Variants in KDM2A observed in about 807,000 individuals in gnomAD.
KDM2A encodes the protein lysine demethylase 2A.
A neutral mutation model predicts 137.3 loss-of-function variants in KDM2A; 3 were observed. That is an observed-to-expected ratio of 0.02 (90% CI 0.01 to 0.06). KDM2A has a LOEUF of 0.06. KDM2A is among the 10% of genes least tolerant of loss of function. The pLI, the probability that KDM2A is intolerant of heterozygous loss-of-function variation, is 1.00. For synonymous variants in KDM2A, 512 were observed against 541.5 expected (o/e 0.95, Z 0.76); for missense variants, 738 against 1,510.6 (o/e 0.49, Z 8.48).
intron 9 of KDM2A, 68 bp from the exon 10 acceptor site, chr11:67,219,220 T>G: frequency 1.5e-6 from 1 of 674,698 alleles, no homozygotes. Flanking sequence ...GGTCTTGTAC[T>G]AGTTCTCTGA....
Position 67,254,245 on chromosome 11 carries a change from G to A in KDM2A, c.3134G>A (p.Arg1045Gln). The change falls in exon 20 of 21, where the codon CGG becomes CAG. Residue 1045 changes from arginine to glutamine, a missense_variant. This residue lies in a region of KDM2A where 166 missense variants were observed against 324.0 expected (regional missense o/e 0.51). Transcript: ENST00000529006. This position sits in a 1 kb window ranked among gnomAD's most constrained non-coding sequence, Gnocchi z 4.7. ...AAGCTCCGGAACATGACCGACTTCC[G>A]GCTGGCAGGCCTTGACATCACAGAT... The part of the protein sequence containing the change: ...RSKLRNMTDF[R>Q]LAGLDITDAT... 6.2e-7 allele frequency: 1 copy of A among 1,614,020 alleles called. No homozygotes were observed. Among genetic ancestry groups the A allele is most frequent in the South Asian group, 1.1e-5 (1 of 91,084 alleles).
intron 2 of KDM2A, among the ~76,000 whole-genome samples, chr11:67,125,601 A>G (rs1005364341): frequency 5.3e-5 from 8 of 151,350 alleles, no homozygotes; most frequent in African/African-American, 4.8e-5. Context: ...GTGAAATCCC[A>G]TCTCTACTAA....
intron 2 of KDM2A, among the ~76,000 whole-genome samples, chr11:67,123,343 T>G (rs986160729): frequency 6.7e-6 from 1 of 148,854 alleles, no homozygotes; most frequent in Non-Finnish European, 1.5e-5. Context: ...GAAGTATATA[T>G]TCAGCATGCA....
At position 67,257,793 on chromosome 11, in the gene KDM2A, G is replaced by C. The variant is rs552421608; in HGVS notation, c.*2738G>C. 3.9e-5 allele frequency: 6 copies of C among 152,108 alleles called. No homozygotes were observed. The highest frequency in any genetic ancestry group is 8.8e-5 in the Non-Finnish European group (6 of 68,026). The allele number at this position is 152,108 out of a possible 1,614,324, so 9.4% of individuals were successfully genotyped here. A position where few individuals can be genotyped will look rare whatever the true frequency, so the allele number is the denominator to read the frequency against. ...AGTTTAAATTAAATGTAAGCATTAA[G>C]GGGATAAGTCTTATGCTATCTCAGT... On this transcript the variant is annotated 3_prime_UTR_variant, in exon 21 of 21. Transcript: ENST00000529006.
intron 5 of KDM2A, among the ~76,000 whole-genome samples, chr11:67,205,701 CA>C (rs1206533613): frequency 6.6e-6 from 1 of 152,048 alleles, no homozygotes; most frequent in African/African-American, 2.4e-5. Context: ...AGGCTGGTCT[CA>C]AACTCCTGGA....
chr11:67,181,969 A>AT (rs1857100569), intron 5 of KDM2A, 77 bp downstream of exon 5: 5 of 1,214,282 alleles, frequency 4.1e-6, no homozygotes, highest in Non-Finnish European at 6.1e-6. Context: ...TCTGACTGAG[A>AT]TTTAAGGCCT....
chr11:67,194,484 T>C (rs1590769169), intron 5 of KDM2A, among the ~76,000 whole-genome samples: 1 of 152,200 alleles, frequency 6.6e-6, no homozygotes, highest in East Asian at 1.9e-4. Flanking sequence ...TCAGGAGTTA[T>C]ATATACTGTG....
At position 67,245,593 on chromosome 11, in the gene KDM2A, G is replaced by A; in HGVS notation, c.1833+135G>A. The A allele has an allele frequency of 3.0e-6, 3 of 991,792 alleles. No individual in the cohort carries two copies. The highest frequency in any genetic ancestry group is 4.4e-6 in the Non-Finnish European group (3 of 685,812). The allele number at this position is 991,792 out of a possible 1,614,324, so 61.4% of individuals were successfully genotyped here. On this transcript the variant is annotated intron_variant, in intron 14 of 20. Coordinates refer to ENST00000529006, the MANE Select transcript of KDM2A (RefSeq NM_012308.3). The surrounding 1 kb of genome is among the most constrained non-coding windows in gnomAD (Gnocchi z 4.1). ...TATACTCTCTTTTTGGCTTTATTTT[G>A]TACCTTTTTTCCCCAGGTTTAGATA... is the stretch of plus-strand genomic sequence containing the variant.
At chr11:67,217,566 C>T (rs1858207562) in intron 8 of KDM2A, 165 bp from the exon 9 acceptor site, 1 of 641,780 alleles carries the variant, frequency 1.6e-6, no homozygotes, top group Admixed American at 2.7e-5. Flanking sequence ...AGATCTACTG[C>T]CTTGGACCTT....
At chr11:67,142,245 C>T (rs533152713) in intron 2 of KDM2A, among the ~76,000 whole-genome samples, 41 of 151,928 alleles carry the variant, frequency 2.7e-4, no homozygotes, top group Non-Finnish European at 5.3e-4. Context: ...CCATGTTGGT[C>T]AGGCTGGTCT....
At chr11:67,222,401 G>A (rs1858390994) in intron 10 of KDM2A, among the ~76,000 whole-genome samples, 1 of 14,928 alleles carries the variant, frequency 6.7e-5, no homozygotes, top group Non-Finnish European at 1.6e-4. Context: ...TAAGGTCACA[G>A]ATCAACAGGA....
intron 2 of KDM2A, among the ~76,000 whole-genome samples, chr11:67,129,503 G>C (rs1296717542): frequency 6.6e-6 from 1 of 152,104 alleles, no homozygotes; most frequent in Non-Finnish European, 1.5e-5. Flanking sequence ...GGAAGGCCGA[G>C]GCGGGCGGAT....
intron 2 of KDM2A, among the ~76,000 whole-genome samples, chr11:67,132,235 A>G (rs1855870433): frequency 6.6e-6 from 1 of 152,156 alleles, no homozygotes; most frequent in Non-Finnish European, 1.5e-5. Flanking sequence ...TTGGGTAGAA[A>G]TTTTAAACAA....
chr11:67,219,106 G>A lies in KDM2A; in HGVS notation c.842-182G>A, dbSNP rs375225409. Among the ~76,000 whole-genome samples the A allele has an allele frequency of 9.1e-4, 138 of 152,310 alleles. 1 individual carries two copies. The South Asian group carries it at 0.028, about 31-fold the overall frequency. ...TTAATGCTCATGAGCAACCATAAGA[G>A]GTATTATTTATCCTGGTTTTATAGA... On this transcript the variant is annotated intron_variant, in intron 9 of 20. Transcript: ENST00000529006.
intron 12 of KDM2A, chr11:67,240,463 C>T: frequency 1.9e-6 from 2 of 1,050,152 alleles, no homozygotes; most frequent in Non-Finnish European, 2.7e-6. Flanking sequence ...AACTGCCTGC[C>T]GGGCGAGTCC....
chr11:67,221,792 G>T lies in KDM2A; in HGVS notation c.957+2389G>T, dbSNP rs528353692. 7.2e-5 allele frequency among the ~76,000 whole-genome samples: 11 copies of T among 152,200 alleles called. No individual in the cohort carries two copies. In the South Asian group the frequency reaches 2.3e-3, roughly 32 times the overall value. ...TGAGACTCTCCTGGGCAACAAAGCC[G>T]GGTGTGGTGGTGCATGCCTGTAATC... On this transcript the variant is annotated intron_variant, in intron 10 of 20. Coordinates refer to ENST00000529006, the MANE Select transcript of KDM2A (RefSeq NM_012308.3).
At chr11:67,159,339 G>C (rs943571760) in intron 2 of KDM2A, among the ~76,000 whole-genome samples, 1 of 152,188 alleles carries the variant, frequency 6.6e-6, no homozygotes, top group African/African-American at 2.4e-5. Context: ...AGTTACATGA[G>C]TGATACTGTC....
intron 12 of KDM2A, among the ~76,000 whole-genome samples, chr11:67,232,633 C>G (rs1482373502): frequency 6.6e-6 from 1 of 151,294 alleles, no homozygotes; most frequent in Non-Finnish European, 1.5e-5. Flanking sequence ...TATCCCTCCT[C>G]CAGCTCCCCT....
chr11:67,213,227 A>G (rs2136391178), intron 6 of KDM2A, among the ~76,000 whole-genome samples: 1 of 152,314 alleles, frequency 6.6e-6, no homozygotes, highest in East Asian at 1.9e-4. Context: ...AAGGGAAGTA[A>G]GTGATCAAAT....
Sources: gnomAD v4.1 joint callset for allele counts (sites outside exome capture counted in the v4.1 genomes callset) on GRCh38, gnomAD v4.1.1 for gene constraint, gnomAD v4.1.1 regional missense constraint, Gnocchi (gnomAD v3.1) non-coding constraint, MANE v1.5 for transcripts, NCBI Gene and HGNC (gene_info 2026-07-23, HGNC 2026-07-21) for gene names.